Variants in ADGRL3 observed in about 807,000 individuals in gnomAD.
ADGRL3 encodes the protein calcium-independent alpha-latrotoxin receptor 3.
Under a neutral mutation model 153.5 loss-of-function variants are expected in ADGRL3, and 62 were observed. The observed-to-expected ratio is 0.40, with a 90% confidence interval of 0.33 to 0.50. ADGRL3 has a LOEUF of 0.50. Ranked by LOEUF, ADGRL3 falls within the 20% of genes least tolerant of loss-of-function variation. The pLI, the probability that ADGRL3 is intolerant of heterozygous loss-of-function variation, is 0.47. For missense variants in ADGRL3, 1,641 were observed against 1,859.4 expected, an observed-to-expected ratio of 0.88 and a Z score of 2.16; for synonymous variants, 710 against 672.5, an observed-to-expected ratio of 1.06 and a Z score of -0.86.
At chr4:61,240,249 C>A (rs1216513708) in intron 1 of ADGRL3, among the ~76,000 whole-genome samples, 1 of 152,066 alleles carries the variant, frequency 6.6e-6, no homozygotes, top group Non-Finnish European at 1.5e-5. Flanking sequence ...CCCTAGAGAT[C>A]ATTTATAAGG....
chr4:61,909,721 T>A lies in ADGRL3; in HGVS notation c.2049T>A (p.Asp683Glu). ...GGAACTTGACCCCAGGTGGAAAAGATAGTGCTGCCCGGAGTTTGAACAAGG... is the reference window on the plus strand; with the variant it reads ...GGAACTTGACCCCAGGTGGAAAAGAAAGTGCTGCCCGGAGTTTGAACAAGG... The part of the protein sequence containing the change: ...QLRNLTPGGK[D>E]SAARSLNKLQ... The change falls in exon 12 of 27, where the codon GAT becomes GAA. Residue 683 changes from aspartate (D) to glutamate (E), a missense_variant. Physicochemically the swap from Asp to Glu is conservative, Grantham distance 45. Around this residue, in one of 5 missense-constraint regions of ADGRL3, gnomAD observed 734 missense variants for 797.0 expected, o/e 0.92. Transcript: ENST00000683033. 6.4e-7 allele frequency: 1 copy of A among 1,565,406 alleles called. No individual in the cohort carries two copies. Among genetic ancestry groups the A allele is most frequent in the South Asian group, 1.2e-5 (1 of 85,276 alleles).
intron 4 of ADGRL3, among the ~76,000 whole-genome samples, chr4:61,565,450 A>C (rs867633782): frequency 6.6e-6 from 1 of 152,304 alleles, no homozygotes; most frequent in Middle Eastern, 3.4e-3. Context: ...ACTGACAAAA[A>C]TTGGAACTTA....
chr4:61,560,278 G>T (rs80327157), intron 4 of ADGRL3, among the ~76,000 whole-genome samples: 6,836 of 152,004 alleles, frequency 0.045, 494 homozygotes, highest in African/African-American at 0.15. Context: ...TAAAAAACTG[G>T]TTCATAAGAT....
chr4:61,565,491 A>G (rs2098812716), intron 4 of ADGRL3, among the ~76,000 whole-genome samples: 1 of 152,064 alleles, frequency 6.6e-6, no homozygotes, highest in Non-Finnish European at 1.5e-5. Flanking sequence ...GGACTTGGAT[A>G]TATCAGCTTA....
intron 2 of ADGRL3, among the ~76,000 whole-genome samples, chr4:61,386,961 A>G (rs2096744215): frequency 6.6e-6 from 1 of 152,194 alleles, no homozygotes; most frequent in South Asian, 2.1e-4. Flanking sequence ...TAAAGTTGTG[A>G]AAATATCACC....
intron 8 of ADGRL3, among the ~76,000 whole-genome samples, chr4:61,746,500 A>T (rs1346886020): frequency 2.4e-4 from 37 of 152,192 alleles, no homozygotes; most frequent in Non-Finnish European, 4.1e-4. Flanking sequence ...AAATTATAAC[A>T]AACTCTCTCT....
intron 6 of ADGRL3, among the ~76,000 whole-genome samples, chr4:61,698,406 C>T (rs893570739): frequency 6.6e-6 from 1 of 152,062 alleles, no homozygotes; most frequent in Non-Finnish European, 1.5e-5. Context: ...GAGCCGAGAT[C>T]ACGCCACTGC....
At chr4:61,478,589 A>T (rs1281298648) in intron 2 of ADGRL3, among the ~76,000 whole-genome samples, 1 of 151,982 alleles carries the variant, frequency 6.6e-6, no homozygotes, top group Non-Finnish European at 1.5e-5. Flanking sequence ...TCTGCTATGT[A>T]TTTTCATATC....
At chr4:61,345,017 C>G (rs1220812179) in intron 1 of ADGRL3, among the ~76,000 whole-genome samples, 1 of 150,724 alleles carries the variant, frequency 6.6e-6, no homozygotes, top group Non-Finnish European at 1.5e-5. Flanking sequence ...AGGCTTGTCT[C>G]GAACTCCTGA....
At chr4:61,513,887 G>A (rs991249900) in intron 3 of ADGRL3, among the ~76,000 whole-genome samples, 4 of 152,040 alleles carry the variant, frequency 2.6e-5, no homozygotes, top group African/African-American at 4.8e-5. Flanking sequence ...TTAACTTTGC[G>A]ACATCTTAAA....
chr4:61,637,776 C>T (rs1053355393), intron 5 of ADGRL3, among the ~76,000 whole-genome samples: 67 of 151,890 alleles, frequency 4.4e-4, no homozygotes, highest in East Asian at 1.2e-3. Context: ...CCCCCAAAAA[C>T]GTCAATAGGA....
intron 17 of ADGRL3, among the ~76,000 whole-genome samples, chr4:61,967,022 C>A (rs2099009394): frequency 1.3e-5 from 2 of 152,120 alleles, no homozygotes; most frequent in Middle Eastern, 6.8e-3. Flanking sequence ...AATAGCACTG[C>A]AAGACCAAAA....
In ADGRL3 at chr4:61,698,844, C is replaced by T. The variant is rs558096532; in HGVS notation, c.583+21909C>T. Among the ~76,000 whole-genome samples, 64 of 152,230 alleles carry T rather than the reference C, an allele frequency of 4.2e-4. 1 individual carries two copies. Among genetic ancestry groups the T allele is most frequent in the Admixed American group, 2.0e-4 (3 of 15,284 alleles). On this transcript the variant is annotated intron_variant, in intron 6 of 26. Transcript: ENST00000683033. Reference sequence around the variant, plus strand: ...AAAATTATGTAAATAGAAGACTATTCTTAACGCTATGGGTGGTATTATTTA... The same window carrying T: ...AAAATTATGTAAATAGAAGACTATTTTTAACGCTATGGGTGGTATTATTTA...
intron 1 of ADGRL3, among the ~76,000 whole-genome samples, chr4:61,371,404 G>T (rs1171264783): frequency 6.6e-6 from 1 of 151,810 alleles, no homozygotes; most frequent in Non-Finnish European, 1.5e-5. Context: ...CTTCCTTCAG[G>T]AGCTCTTTTA....
intron 9 of ADGRL3, among the ~76,000 whole-genome samples, chr4:61,856,950 C>CCCTTTCTTTCTTTCTTTCTTTCTT (rs1554048270): frequency 1.8e-5 from 1 of 56,970 alleles, no homozygotes; most frequent in African/African-American, 6.6e-5. Flanking sequence ...CTTTCTTCTT[C>CCCTTTCTTTCTTTCTTTCTTTCTT]TCTTTCTTTC....
At chr4:61,754,910 G>C (rs1310423260) in intron 8 of ADGRL3, among the ~76,000 whole-genome samples, 1 of 152,050 alleles carries the variant, frequency 6.6e-6, no homozygotes, top group African/African-American at 2.4e-5. Context: ...GAGAATGATG[G>C]TTACCAGCTT....
At position 62,044,311 on chromosome 4, in the gene ADGRL3, G is replaced by C. The variant is rs10222989; in HGVS notation, c.3718-142G>C. The C allele has an allele frequency of 8.7e-3, 5,512 of 633,964 alleles. 233 individuals carry two copies. In the African/African-American group the frequency reaches 0.092, roughly 11 times the overall value. The allele number at this position is 633,964 out of a possible 1,614,324, so 39.3% of individuals were successfully genotyped here. A position where few individuals can be genotyped will look rare whatever the true frequency, so the allele number is the denominator to read the frequency against. On this transcript the variant is annotated intron_variant, in intron 24 of 26. Coordinates refer to ENST00000683033, the MANE Select transcript of ADGRL3 (RefSeq NM_001387552.1). ...TTATTTCTGATGTTCTCATGCTACT[G>C]TACTGCAAACATGTAGTTGTCTATT...
intron 1 of ADGRL3, among the ~76,000 whole-genome samples, chr4:61,291,567 C>CATATATATATATATACATATATAT: frequency 7.4e-6 from 1 of 134,378 alleles, no homozygotes; most frequent in East Asian, 2.1e-4. Flanking sequence ...TATATATATA[C>CATATATATATATATACATATATAT]ATATATATAT....
rs541850398 is a variant in ADGRL3, at chr4:61,973,175, A to G, written c.2806-6388A>G. On this transcript the variant is annotated intron_variant, in intron 17 of 26. Coordinates refer to ENST00000683033, the MANE Select transcript of ADGRL3 (RefSeq NM_001387552.1). ...AAGTTAGAAATATCAACAGTTTCAC[A>G]TAAAGTCTTAGTGTACTTTATGTGA... is the stretch of plus-strand genomic sequence containing the variant. 6.6e-5 allele frequency among the ~76,000 whole-genome samples: 10 copies of G among 152,178 alleles called. No individual in the cohort carries two copies. The East Asian group carries it at 1.2e-3, about 18-fold the overall frequency.
Sources: gnomAD v4.1 joint callset for allele counts (sites outside exome capture counted in the v4.1 genomes callset) on GRCh38, gnomAD v4.1.1 for gene constraint, gnomAD v4.1.1 regional missense constraint, MANE v1.5 for transcripts, NCBI Gene and HGNC (gene_info 2026-07-23, HGNC 2026-07-21) for gene names.